Variants in TNIK observed in about 807,000 individuals in gnomAD.
TNIK encodes TRAF2 and NCK-interacting protein kinase.
A neutral mutation model predicts 191.3 loss-of-function variants in TNIK; 49 were observed. That is an observed-to-expected ratio of 0.26 (90% confidence interval 0.20 to 0.32). TNIK has a LOEUF of 0.32. Ranked by LOEUF, TNIK falls within the 10% of genes least tolerant of loss-of-function variation. TNIK has a pLI of 1.00. For synonymous variants in TNIK, 594 were observed against 600.9 expected (o/e 0.99, Z 0.17); for missense variants, 1,155 against 1,702.3 (o/e 0.68, Z 5.66).
intron 1 of TNIK, among the ~76,000 whole-genome samples, chr3:171,420,456 C>CTCTG (rs1249657160): frequency 1.3e-5 from 2 of 152,170 alleles, no homozygotes; most frequent in African/African-American, 4.8e-5. Flanking sequence ...GTGGAAAGAA[C>CTCTG]TCTGGGCCAA....
At chr3:171,312,812 CA>C (rs1754192659) in intron 2 of TNIK, among the ~76,000 whole-genome samples, 1 of 152,120 alleles carries the variant, frequency 6.6e-6, no homozygotes, top group South Asian at 2.1e-4. Flanking sequence ...TTGGCTTTCA[CA>C]AGATTCATAT....
rs546997028 is a variant in TNIK, at chr3:171,141,868, C to T, written c.1222-1359G>A. On this transcript the variant is annotated intron_variant, in intron 12 of 32. Coordinates refer to ENST00000436636, the MANE Select transcript of TNIK (RefSeq NM_015028.4). ...TTCTCAACAAGACTTCATTGCATAG[C>T]TTAGGAAACATGAGGTACCCAGAGT... 8.0e-4 allele frequency among the ~76,000 whole-genome samples: 122 copies of T among 152,312 alleles called. 1 individual carries two copies. Among genetic ancestry groups the T allele is most frequent in the Non-Finnish European group, 1.5e-3 (100 of 68,028 alleles).
intron 2 of TNIK, among the ~76,000 whole-genome samples, chr3:171,290,199 A>C (rs1347186021): frequency 6.6e-6 from 1 of 152,204 alleles, no homozygotes. Flanking sequence ...GCAACTTATT[A>C]TTCCCAGGTG....
chr3:171,082,165 G>A, intron 27 of TNIK, 86 bp downstream of exon 27: 1 of 1,497,674 alleles, frequency 6.7e-7, no homozygotes, highest in Non-Finnish European at 9.0e-7. Context: ...TAGCTGGGAA[G>A]GGCAGAACTA....
At chr3:171,422,779 G>C (rs1560053179) in intron 1 of TNIK, among the ~76,000 whole-genome samples, 1 of 152,160 alleles carries the variant, frequency 6.6e-6, no homozygotes, top group African/African-American at 2.4e-5. Flanking sequence ...TGATACAAAG[G>C]AGTTCTCATT....
intron 7 of TNIK, among the ~76,000 whole-genome samples, chr3:171,177,989 G>A (rs576479727): frequency 5.9e-5 from 9 of 152,290 alleles, no homozygotes; most frequent in South Asian, 2.1e-4. Context: ...TCTGTTTCAC[G>A]TAGAATAGTG....
In TNIK at chr3:171,315,757, G is replaced by A. The variant is rs181185390; in HGVS notation, c.123+53863C>T. 2.6e-5 allele frequency among the ~76,000 whole-genome samples: 4 copies of A among 152,104 alleles called. No homozygotes were observed. In the East Asian group the frequency reaches 7.7e-4, roughly 29 times the overall value. On this transcript the variant is annotated intron_variant, in intron 2 of 32. Coordinates refer to ENST00000436636, the MANE Select transcript of TNIK (RefSeq NM_015028.4). ...CTCCCATCTCTGCTCCCATCTTCAC[G>A]TGGCATTCCCCACTGTGTCTGTGTC... is the stretch of plus-strand genomic sequence containing the variant.
chr3:171,202,327 C>G (rs570661614), intron 4 of TNIK, among the ~76,000 whole-genome samples: 7 of 151,938 alleles, frequency 4.6e-5, no homozygotes, highest in Admixed American at 3.3e-4. Context: ...GAATGTTACA[C>G]CCAAATAGAA....
chr3:171,427,515 G>A lies in TNIK; in HGVS notation c.57+32492C>T, dbSNP rs546932869. Reference sequence around the variant, plus strand: ...TGTAAAATGGAGTATAATGCCCACCGTGCAAGGCAGTTATAAGATTTAAAT... The same window carrying A: ...TGTAAAATGGAGTATAATGCCCACCATGCAAGGCAGTTATAAGATTTAAAT... On this transcript the variant is annotated intron_variant, in intron 1 of 32. Transcript: ENST00000436636. Among the ~76,000 whole-genome samples the A allele has an allele frequency of 5.3e-5, 8 of 152,160 alleles. No individual in the cohort carries two copies. In the South Asian group the frequency reaches 1.2e-3, roughly 24 times the overall value.
At chr3:171,408,033 C>T (rs1235827020) in intron 1 of TNIK, among the ~76,000 whole-genome samples, 1 of 151,854 alleles carries the variant, frequency 6.6e-6, no homozygotes, top group Non-Finnish European at 1.5e-5. Context: ...AATCATAAGA[C>T]AGTATAATGG....
chr3:171,446,923 G>A (rs1577970122), intron 1 of TNIK, among the ~76,000 whole-genome samples: 1 of 152,316 alleles, frequency 6.6e-6, no homozygotes, highest in South Asian at 2.1e-4. Context: ...AAGCTCAGTG[G>A]CTCACGCCGG....
chr3:171,084,072 G>A (rs1721029000), intron 26 of TNIK, 83 bp downstream of exon 26: 2 of 1,412,872 alleles, frequency 1.4e-6, no homozygotes, highest in Non-Finnish European at 1.9e-6. Flanking sequence ...TTGATGACAA[G>A]ATCCACAGGC....
intron 2 of TNIK, among the ~76,000 whole-genome samples, chr3:171,280,185 C>T (rs1306032866): frequency 6.6e-6 from 1 of 152,218 alleles, no homozygotes; most frequent in Non-Finnish European, 1.5e-5. Context: ...CCACATCCTT[C>T]TGCTTCACAT....
chr3:171,289,661 G>GGAGGCT (rs1322765631), intron 2 of TNIK, among the ~76,000 whole-genome samples: 1 of 152,180 alleles, frequency 6.6e-6, no homozygotes, highest in Admixed American at 6.5e-5. Flanking sequence ...CAGCACTTTG[G>GGAGGCT]GAGGCTGAGG....
chr3:171,102,748 C>G (rs1723797669), intron 21 of TNIK, among the ~76,000 whole-genome samples: 1 of 152,158 alleles, frequency 6.6e-6, no homozygotes, highest in Non-Finnish European at 1.5e-5. Flanking sequence ...GCCATATTCT[C>G]TCTTTATTTC....
At chr3:171,321,591 G>C (rs1218662763) in intron 2 of TNIK, among the ~76,000 whole-genome samples, 1 of 152,154 alleles carries the variant, frequency 6.6e-6, no homozygotes, top group Non-Finnish European at 1.5e-5. Context: ...TGCTTATAAA[G>C]ATTAATAATA....
rs1456942654 is a variant in TNIK, at chr3:171,457,203, G to C, written c.57+2804C>G. On this transcript the variant is annotated intron_variant, in intron 1 of 32. Coordinates refer to ENST00000436636, the MANE Select transcript of TNIK (RefSeq NM_015028.4). ...CATGCAAATCTTGCATAATTTAAAT[G>C]ATCAGTGCTGTCATTGGTTGCTCTG... Among the ~76,000 whole-genome samples, 6 of 152,196 alleles carry C rather than the reference G, an allele frequency of 3.9e-5. No homozygotes were observed. In the East Asian group the frequency reaches 7.7e-4, roughly 20 times the overall value.
intron 2 of TNIK, among the ~76,000 whole-genome samples, chr3:171,249,343 T>G (rs1007597636): frequency 1.3e-5 from 2 of 152,142 alleles, no homozygotes; most frequent in African/African-American, 4.8e-5. Flanking sequence ...TAGGCATACA[T>G]CCAAATGTGA....
rs777700588 is a variant in TNIK, at chr3:171,087,517, A to G, written c.2722-11T>C. 3 of 1,612,826 alleles carry G rather than the reference A, an allele frequency of 1.9e-6. No homozygotes were observed. The highest frequency in any genetic ancestry group is 2.5e-6 in the Non-Finnish European group (3 of 1,179,218). On this transcript the variant is annotated splice_polypyrimidine_tract_variant and intron_variant, in intron 23 of 32. Coordinates refer to ENST00000436636, the MANE Select transcript of TNIK (RefSeq NM_015028.4). ...CTTCTCTCCAGACGTCTGAGGGAGC[A>G]CAGCACGTGGGAGGAGTTAGAGAGG...
Sources: gnomAD v4.1 joint callset for allele counts (sites outside exome capture counted in the v4.1 genomes callset) on GRCh38, gnomAD v4.1.1 for gene constraint, MANE v1.5 for transcripts, NCBI Gene and HGNC (gene_info 2026-07-23, HGNC 2026-07-21) for gene names.